PCDH15: variants seen among roughly 807,000 people sequenced by gnomAD.
PCDH15 encodes the protein protocadherin related 15.
In PCDH15, 129 loss-of-function variants were observed where a neutral mutation model predicts 178.5. The ratio of observed to expected loss-of-function variants is 0.72; its 90% CI spans 0.63 to 0.84. The LOEUF (loss-of-function observed/expected upper bound fraction) is 0.84, where lower values mean the gene tolerates loss of function less well. Among genes scored for constraint, PCDH15 ranks in the 40% least tolerant of loss-of-function variants. The pLI is 0.00. For synonymous variants in PCDH15, 800 were observed against 732.0 expected, an observed-to-expected ratio of 1.09 and a Z score of -1.50; for missense variants, 2,230 against 2,099.9, an observed-to-expected ratio of 1.06 and a Z score of -1.21.
rs545152629 is a variant in PCDH15, at chr10:55,311,300, T to A, written c.-156+8299A>T. On this transcript the variant is annotated intron_variant, in intron 1 of 5. Coordinates refer to the PCDH15 transcript ENST00000458638. The stretch of plus-strand genomic sequence containing the variant: ...TCTCATAAGGATCAGAGAGTGTCAG[T>A]GAGCTATTCAGTCTCTATCCATCAG... Among the ~76,000 whole-genome samples the A allele has an allele frequency of 2.0e-5, 3 of 152,322 alleles. No homozygotes were observed. In the East Asian group the frequency reaches 5.8e-4, roughly 29 times the overall value.
intron 3 of PCDH15, among the ~76,000 whole-genome samples, chr10:54,480,360 A>G (rs2078628251): frequency 6.6e-6 from 1 of 152,086 alleles, no homozygotes; most frequent in African/African-American, 2.4e-5. Context: ...GTTAAGTAGC[A>G]TATCACTGCC....
chr10:54,485,795 A>C (rs934047985), intron 3 of PCDH15, among the ~76,000 whole-genome samples: 2 of 152,046 alleles, frequency 1.3e-5, no homozygotes, highest in African/African-American at 4.8e-5. Context: ...GTTCTGAAAC[A>C]AGACTTCTGG....
chr10:55,418,321 T>G (rs1349505501), intron 2 of PCDH15, among the ~76,000 whole-genome samples: 1 of 151,734 alleles, frequency 6.6e-6, no homozygotes, highest in African/African-American at 2.4e-5. Context: ...TGCTGCTGAT[T>G]GTGGGAAATT....
intron 2 of PCDH15, among the ~76,000 whole-genome samples, chr10:55,097,684 CCAGATAGATAGA>C (rs1391544092): frequency 6.6e-6 from 1 of 151,592 alleles, no homozygotes; most frequent in Non-Finnish European, 1.5e-5. Context: ...TAAGAAGTCA[CCAGATAGATAGA>C]TAGATAGAGA....
chr10:53,982,826 T>G (rs2090775936), intron 21 of PCDH15, among the ~76,000 whole-genome samples: 1 of 150,094 alleles, frequency 6.7e-6, no homozygotes, highest in Non-Finnish European at 1.5e-5. Flanking sequence ...ATAATAATAA[T>G]AAAAAAATAT....
At chr10:54,210,191 A>C (rs1023696207) in intron 10 of PCDH15, among the ~76,000 whole-genome samples, 9 of 151,888 alleles carry the variant, frequency 5.9e-5, no homozygotes, top group African/African-American at 2.2e-4. Flanking sequence ...GTGGAAATCT[A>C]TTTGCTACAT....
chr10:54,138,351 G>T (rs1379532551), intron 14 of PCDH15, among the ~76,000 whole-genome samples: 1 of 152,038 alleles, frequency 6.6e-6, no homozygotes, highest in African/African-American at 2.4e-5. Flanking sequence ...TTGTGGGTTG[G>T]TCAAGCCCAA....
In PCDH15 at chr10:54,273,827, C is replaced by G. The variant is rs186982121; in HGVS notation, c.877-36896G>C. Reference sequence around the variant, plus strand: ...CTCCTGAACCAGAGCTTGGCACCGGCTATTCCCTCTGGAACACCCTTTTAT... The same window carrying G: ...CTCCTGAACCAGAGCTTGGCACCGGGTATTCCCTCTGGAACACCCTTTTAT... On this transcript the variant is annotated intron_variant, in intron 8 of 37. Coordinates refer to ENST00000644397, the MANE Select transcript of PCDH15 (RefSeq NM_001384140.1). Among the ~76,000 whole-genome samples, 358 of 152,172 alleles carry G rather than the reference C, an allele frequency of 2.4e-3. 1 individual carries two copies. Among genetic ancestry groups the G allele is most frequent in the African/African-American group, 8.1e-3 (338 of 41,540 alleles).
chr10:55,093,785 G>A (rs34767037), intron 2 of PCDH15, among the ~76,000 whole-genome samples: 9,520 of 152,088 alleles, frequency 0.063, 351 homozygotes, highest in African/African-American at 0.088. Flanking sequence ...ACAGACACAT[G>A]AAAAAATGCT....
At chr10:55,214,410 T>C (rs747046290) in intron 1 of PCDH15, among the ~76,000 whole-genome samples, 3 of 152,134 alleles carry the variant, frequency 2.0e-5, no homozygotes, top group Non-Finnish European at 2.9e-5. Flanking sequence ...TTGTTTTTTC[T>C]TTATGTATAT....
intron 2 of PCDH15, among the ~76,000 whole-genome samples, chr10:54,944,721 A>T (rs185031685): frequency 6.6e-6 from 1 of 152,008 alleles, no homozygotes; most frequent in Non-Finnish European, 1.5e-5. Context: ...CCATCAGGTA[A>T]GTATGAAATT....
rs951372450 is a variant in PCDH15, at chr10:54,694,736, T to C, written c.-28-30446A>G. Among the ~76,000 whole-genome samples, 3 of 152,224 alleles carry C rather than the reference T, an allele frequency of 2.0e-5. No homozygotes were observed. The South Asian group carries it at 6.2e-4, about 32-fold the overall frequency. ...TAACTGATACATGTTGAATGTGTTA[T>C]GACTGCTCCACCCACTTCAGCTTCC... On this transcript the variant is annotated intron_variant, in intron 1 of 37. Transcript: ENST00000644397.
chr10:54,079,280 T>C, intron 17 of PCDH15, 51 bp downstream of exon 17: 10 of 1,479,122 alleles, frequency 6.8e-6, no homozygotes, highest in African/African-American at 1.4e-5. Flanking sequence ...TAAGACTCTC[T>C]CAGTTGCCTT....
At chr10:55,184,072 A>G (rs1442669613) in intron 1 of PCDH15, among the ~76,000 whole-genome samples, 2 of 151,876 alleles carry the variant, frequency 1.3e-5, no homozygotes, top group African/African-American at 4.8e-5. Flanking sequence ...TTTTACAGAC[A>G]GTGTATGTGA....
chr10:53,954,733 A>C (rs183081433), intron 23 of PCDH15, among the ~76,000 whole-genome samples: 3 of 152,344 alleles, frequency 2.0e-5, no homozygotes, highest in Admixed American at 2.0e-4. Context: ...GAAATCACTA[A>C]AAATACAGAT....
chr10:54,417,143 G>C (rs1238329764), intron 3 of PCDH15, among the ~76,000 whole-genome samples: 1 of 152,070 alleles, frequency 6.6e-6, no homozygotes, highest in Non-Finnish European at 1.5e-5. Flanking sequence ...ACGCACCTTA[G>C]TCTCCCAAGG....
chr10:54,399,370 T>A (rs1951651655), intron 3 of PCDH15, among the ~76,000 whole-genome samples: 5 of 151,982 alleles, frequency 3.3e-5, no homozygotes, highest in Admixed American at 3.3e-4. Context: ...GAAAGCAATA[T>A]TACAGTGTGA....
intron 3 of PCDH15, among the ~76,000 whole-genome samples, chr10:54,515,022 C>A (rs1230281107): frequency 3.3e-5 from 5 of 152,206 alleles, no homozygotes. Flanking sequence ...GTAGGAATAG[C>A]TCTGGTTTAC....
chr10:54,952,794 T>A (rs1838379564), intron 2 of PCDH15, among the ~76,000 whole-genome samples: 1 of 151,664 alleles, frequency 6.6e-6, no homozygotes, highest in Non-Finnish European at 1.5e-5. Flanking sequence ...AAATTCTAAT[T>A]TTTCGTTACT....
Sources: allele counts gnomAD v4.1 joint callset (sites outside exome capture counted in the v4.1 genomes callset), GRCh38; gene constraint gnomAD v4.1.1; transcripts MANE v1.5; gene names NCBI Gene and HGNC (gene_info 2026-07-23, HGNC 2026-07-21).